The following GGT5 variants were observed in gnomAD, a reference collection of about 807,000 sequenced individuals.
GGT5 encodes glutathione hydrolase 5 proenzyme.
A neutral mutation model predicts 58.1 loss-of-function variants in GGT5; 50 were observed. That is an observed-to-expected ratio of 0.86 (90% confidence interval 0.69 to 1.09). The LOEUF (loss-of-function observed/expected upper bound fraction) is 1.09. GGT5 is among the 50% of genes least tolerant of loss of function. The probability of loss-of-function intolerance (pLI) is 0.00; values close to 1 mark genes in which losing one functional copy is unlikely to be tolerated. For missense variants in GGT5, 800 were observed against 789.4 expected (o/e 1.01, Z -0.16); for synonymous variants, 370 against 346.1 (o/e 1.07, Z -0.77).
rs2047939011 is a variant in GGT5 at position 24,231,480 on chromosome 22, C to G, written c.805G>C (p.Asp269His). 3 of 1,581,866 alleles carry G rather than the reference C, an allele frequency of 1.9e-6. No individual in the cohort carries two copies. Among genetic ancestry groups the G allele is most frequent in the South Asian group, 1.2e-5 (1 of 86,366 alleles). Residue 269 changes from aspartate to histidine, a missense_variant, in exon 6 of 12, where the codon GAT (aspartate) becomes CAT (histidine). Asp to His is a moderately conservative substitution (Grantham distance 81, BLOSUM62 -1). Transcript: ENST00000327365. ...TCCCCCAGGGGCACCTCCAGGGCAT[C>G]CACCACCTCGGGCTGGAACTTGGCC... ...DLAKFQPEVV[D>H]ALEVPLGDYT...
At chr22:24,238,541 A>C (rs1261645425) in intron 1 of GGT5, among the ~76,000 whole-genome samples, 2 of 146,612 alleles carry the variant, frequency 1.4e-5, no homozygotes, top group Admixed American at 7.2e-5. Context: ...TCTCAAAAAA[A>C]AAAAATACAA....
At chr22:24,224,952 G>A in intron 11 of GGT5, 44 bp downstream of exon 11, 1 of 1,282,548 alleles carries the variant, frequency 7.8e-7, no homozygotes, top group Non-Finnish European at 1.1e-6. Context: ...CGGATTTGGG[G>A]AGTGGGCTCT....
In GGT5 at chr22:24,226,479, G is replaced by C. The variant is rs913173538; in HGVS notation, c.1038+152C>G. ...ACTCCTGCACCTGACCCCTGTACCT[G>C]CCACCCCGGGATCCCTTTCAGTCCT... On this transcript the variant is annotated intron_variant, in intron 7 of 11. Transcript: ENST00000327365. The C allele has an allele frequency of 9.3e-6, 8 of 859,746 alleles. No individual in the cohort carries two copies. In the African/African-American group the frequency reaches 1.4e-4, roughly 15 times the overall value. The allele number at this position is 859,746 out of a possible 1,614,324, so 53.3% of individuals were successfully genotyped here.
intron 6 of GGT5, among the ~76,000 whole-genome samples, chr22:24,226,996 T>C (rs1569357777): frequency 6.8e-6 from 1 of 147,942 alleles, no homozygotes; most frequent in Non-Finnish European, 1.5e-5. Context: ...TTGCCCAGGC[T>C]GGAGTGCAAT....
chr22:24,228,453 G>GTT (rs61344424), intron 6 of GGT5, among the ~76,000 whole-genome samples: 5 of 136,976 alleles, frequency 3.7e-5, no homozygotes, highest in Non-Finnish European at 3.2e-5. Flanking sequence ...TTTCAAAACA[G>GTT]TTTTTTTTTT....
chr22:24,234,978 G>A (rs1171877301), intron 1 of GGT5, among the ~76,000 whole-genome samples: 1 of 149,766 alleles, frequency 6.7e-6, no homozygotes, highest in Non-Finnish European at 1.5e-5. Context: ...GCACAGGCCT[G>A]CACAGCTCAC....
In GGT5 at chr22:24,244,607, G is replaced by C; in HGVS notation, c.119C>G (p.Ala40Gly). ...SRHQAPCGPQ[A>G]FAHAAVAADS... ...GGCGGCAACAGCAGCGTGGGCAAAG[G>C]CCTGGGGGCCACATGGGGCCTGGTG... The change falls in exon 1 of 12, where the codon GCC (alanine) becomes GGC (glycine). Residue 40 changes from alanine to glycine, a missense_variant. Ala to Gly is a moderately conservative substitution (Grantham distance 60, BLOSUM62 0). Transcript: ENST00000327365. 6.2e-7 allele frequency: 1 copy of C among 1,612,738 alleles called. No homozygotes were observed. The highest frequency in any genetic ancestry group is 8.5e-7 in the Non-Finnish European group (1 of 1,179,888).
chr22:24,232,324 G>A (rs2047969956), intron 4 of GGT5, 116 bp from the exon 5 acceptor site: 3 of 583,542 alleles, frequency 5.1e-6, no homozygotes, highest in Non-Finnish European at 9.0e-6. Context: ...CCTGGCCCAG[G>A]GTCCCGAGGC....
chr22:24,239,072 G>T (rs1415723700), intron 1 of GGT5, among the ~76,000 whole-genome samples: 1 of 144,820 alleles, frequency 6.9e-6, no homozygotes, highest in African/African-American at 2.6e-5. Flanking sequence ...AGGCGTGGTG[G>T]CTCACGCCTG....
At chr22:24,241,123 C>T (rs1376374033) in intron 1 of GGT5, 2 of 134,788 alleles carry the variant, frequency 1.5e-5, no homozygotes, top group African/African-American at 5.6e-5. Context: ...TGCTATTGTA[C>T]TCCAGCCTGT....
intron 4 of GGT5, 81 bp downstream of exon 4, chr22:24,232,742 A>C (rs2047982472): frequency 1.0e-6 from 1 of 972,774 alleles, no homozygotes; most frequent in Non-Finnish European, 1.5e-6. Context: ...AGAGGGACTG[A>C]GGCAGAGCTG....
chr22:24,220,711 C>T (rs2148877979), intron 11 of GGT5: 1 of 454,182 alleles, frequency 2.2e-6, no homozygotes, highest in Non-Finnish European at 4.4e-6. Flanking sequence ...GCCAGGGCAA[C>T]AAAGCAAGAC....
Position 24,231,383 on chromosome 22 carries a change from CCT to C in GGT5, c.900_901del (p.Gly301ValfsTer12). On this transcript the variant is annotated frameshift_variant and splice_region_variant, in exon 6 of 12. Transcript: ENST00000327365. LOFTEE classifies it high-confidence loss of function. The stretch of plus-strand genomic sequence containing the variant: ...GCCAGGGCTCTGGGCAGGGGCTTTA[CCT>C]CTTAGCACGTTGAGGATAAAGCTGA... 6.5e-7 allele frequency: 1 copy of C among 1,545,782 alleles called. No individual in the cohort carries two copies. The highest frequency in any genetic ancestry group is 8.7e-7 in the Non-Finnish European group (1 of 1,144,218).
intron 1 of GGT5, among the ~76,000 whole-genome samples, chr22:24,237,655 C>T (rs1474735572): frequency 6.6e-6 from 1 of 151,988 alleles, no homozygotes. Flanking sequence ...GATCTGCCTG[C>T]CTTGGCCTCC....
chr22:24,220,360 A>C, intron 11 of GGT5: 2 of 612,462 alleles, frequency 3.3e-6, no homozygotes, highest in East Asian at 3.2e-5. Context: ...AGACCTCCAA[A>C]TGCAAGTTCA....
intron 8 of GGT5, 148 bp downstream of exon 8, chr22:24,225,928 T>G: frequency 1.6e-6 from 1 of 644,448 alleles, no homozygotes; most frequent in Non-Finnish European, 2.6e-6. Context: ...ATGTCAGGGG[T>G]GGGGGCCTCT....
At position 24,244,893 on chromosome 22, in the gene GGT5, T is replaced by A; in HGVS notation, c.-168A>T. On this transcript the variant is annotated 5_prime_UTR_variant, in exon 1 of 12. Transcript: ENST00000327365. ...AAGATGGATCGACAGATAGGCCAGA[T>A]AGCTAGACAAAGAGGACAGTAAGAG... 8.1e-7 allele frequency: 1 copy of A among 1,231,234 alleles called. No individual in the cohort carries two copies. Among genetic ancestry groups the A allele is most frequent in the South Asian group, 1.6e-5 (1 of 62,376 alleles). The allele number at this position is 1,231,234 out of a possible 1,614,324, so 76.3% of individuals were successfully genotyped here.
intron 1 of GGT5, among the ~76,000 whole-genome samples, chr22:24,238,001 G>A (rs2048148433): frequency 1.3e-5 from 2 of 152,108 alleles, no homozygotes; most frequent in Non-Finnish European, 2.9e-5. Context: ...GCCAAGGTGG[G>A]TAGGTCACCT....
Position 24,220,219 on chromosome 22 carries a change from C to T in GGT5, c.1615-103G>A, listed in dbSNP as rs114329454. 1.6e-3 allele frequency: 1,818 copies of T among 1,149,204 alleles called. 22 individuals are homozygous for T. In the African/African-American group the frequency reaches 0.025, roughly 16 times the overall value. The allele number at this position is 1,149,204 out of a possible 1,614,324, so 71.2% of individuals were successfully genotyped here. On this transcript the variant is annotated intron_variant, in intron 11 of 11. Transcript: ENST00000327365. ...TGAGAAAAATGATCAAAAGGCAAGA[C>T]GGAGAGGAAGAGGGCCTGAAGACAC...
Sources: allele counts gnomAD v4.1 joint callset (sites outside exome capture counted in the v4.1 genomes callset), GRCh38; gene constraint gnomAD v4.1.1; transcripts MANE v1.5; gene names NCBI Gene and HGNC (gene_info 2026-07-23, HGNC 2026-07-21).